KSR2: variants seen among roughly 807,000 people sequenced by gnomAD.
The protein encoded by KSR2 is kinase suppressor of ras 2.
A neutral mutation model predicts 107.8 loss-of-function variants in KSR2; 25 were observed. That is an observed-to-expected ratio of 0.23 (90% CI 0.17 to 0.32). The LOEUF (loss-of-function observed/expected upper bound fraction) is 0.32. KSR2 is among the 10% of genes least tolerant of loss of function. The pLI, the probability that KSR2 is intolerant of heterozygous loss-of-function variation, is 1.00. For missense variants in KSR2, 887 were observed against 1,268.9 expected (o/e 0.70, Z 4.57); for synonymous variants, 480 against 507.0 (o/e 0.95, Z 0.71).
intron 4 of KSR2, among the ~76,000 whole-genome samples, chr12:117,688,858 T>G (rs146377620): frequency 2.6e-5 from 4 of 152,342 alleles, no homozygotes; most frequent in East Asian, 3.9e-4. Context: ...AGTGTTTATG[T>G]CAAACTCTAG....
intron 14 of KSR2, among the ~76,000 whole-genome samples, chr12:117,507,619 G>A (rs2137190356): frequency 6.6e-6 from 1 of 152,308 alleles, no homozygotes; most frequent in South Asian, 2.1e-4. Context: ...GTCACCAGCA[G>A]CCCCATCTGC....
intron 3 of KSR2, among the ~76,000 whole-genome samples, chr12:117,802,536 C>T (rs982525122): frequency 6.6e-6 from 1 of 152,198 alleles, no homozygotes; most frequent in Admixed American, 6.5e-5. Context: ...TTCCCTCCTC[C>T]TCTCTGAGCC....
At chr12:117,701,097 T>G (rs1015508522) in intron 4 of KSR2, among the ~76,000 whole-genome samples, 1 of 152,164 alleles carries the variant, frequency 6.6e-6, no homozygotes, top group African/African-American at 2.4e-5. Flanking sequence ...GTTTATTTAT[T>G]TATTTATTGA....
chr12:117,559,783 C>T (rs2137355720), intron 7 of KSR2, among the ~76,000 whole-genome samples: 1 of 152,258 alleles, frequency 6.6e-6, no homozygotes, highest in African/African-American at 2.4e-5. Flanking sequence ...TGCAGCCTGG[C>T]TTTGTCCTTT....
At chr12:117,485,988 G>A (rs905258312) in intron 14 of KSR2, among the ~76,000 whole-genome samples, 1 of 152,202 alleles carries the variant, frequency 6.6e-6, no homozygotes, top group African/African-American at 2.4e-5. Context: ...GAGGCTCACA[G>A]GTGGAAAGCA....
chr12:117,683,221 CAT>C (rs1258287210), intron 4 of KSR2, among the ~76,000 whole-genome samples: 2 of 151,754 alleles, frequency 1.3e-5, no homozygotes, highest in African/African-American at 4.8e-5. Flanking sequence ...TAGTATATGA[CAT>C]ATACTATTTT....
At chr12:117,810,172 TG>T (rs1891147784) in intron 3 of KSR2, among the ~76,000 whole-genome samples, 1 of 152,350 alleles carries the variant, frequency 6.6e-6, no homozygotes, top group African/African-American at 2.4e-5. Flanking sequence ...TTGTTTGTTT[TG>T]TTTTTTTGTT....
intron 4 of KSR2, among the ~76,000 whole-genome samples, chr12:117,725,671 C>T (rs1437955725): frequency 6.6e-6 from 1 of 152,112 alleles, no homozygotes; most frequent in Non-Finnish European, 1.5e-5. Context: ...ATTATTAGGC[C>T]GGGAGTAGTG....
intron 4 of KSR2, among the ~76,000 whole-genome samples, chr12:117,733,410 A>C (rs1887808101): frequency 6.6e-6 from 1 of 152,098 alleles, no homozygotes; most frequent in Non-Finnish European, 1.5e-5. Context: ...CTCACTCTTT[A>C]GGTCTTATCT....
chr12:117,847,469 C>A (rs2137189214), intron 3 of KSR2, among the ~76,000 whole-genome samples: 1 of 152,294 alleles, frequency 6.6e-6, no homozygotes, highest in South Asian at 2.1e-4. Flanking sequence ...TGCAGGGGTG[C>A]AAGGGCACCT....
intron 1 of KSR2, among the ~76,000 whole-genome samples, chr12:117,960,664 A>C (rs189952996): frequency 6.6e-6 from 1 of 152,216 alleles, no homozygotes; most frequent in Non-Finnish European, 1.5e-5. Context: ...AACTGCAGGC[A>C]TCTGAGCAAA....
chr12:117,814,447 A>G (rs76148951), intron 3 of KSR2, among the ~76,000 whole-genome samples: 6,897 of 152,220 alleles, frequency 0.045, 214 homozygotes, highest in East Asian at 0.092. Flanking sequence ...GATGTGGTCA[A>G]TCATCTTGCC....
rs145156615 is a variant in KSR2, at chr12:117,959,591, A to G, written c.180+8485T>C. Among the ~76,000 whole-genome samples the G allele has an allele frequency of 9.9e-3, 1,507 of 152,224 alleles. 20 individuals carry two copies. The highest frequency in any genetic ancestry group is 0.075 in the Middle Eastern group (22 of 294). ...TTTACCCTGCAGCAATCAGAAGATCATTTAAAAATATAACCCCTGGTTCAA... is the reference window on the plus strand; with the variant it reads ...TTTACCCTGCAGCAATCAGAAGATCGTTTAAAAATATAACCCCTGGTTCAA... On this transcript the variant is annotated intron_variant, in intron 1 of 19. Transcript: ENST00000339824.
At chr12:117,845,006 C>T (rs979750787) in intron 3 of KSR2, among the ~76,000 whole-genome samples, 1 of 152,038 alleles carries the variant, frequency 6.6e-6, no homozygotes, top group Non-Finnish European at 1.5e-5. Flanking sequence ...ATTAGCCAGG[C>T]GTGGTGGCGG....
At chr12:117,598,159 A>G (rs530064154) in intron 5 of KSR2, among the ~76,000 whole-genome samples, 32 of 152,116 alleles carry the variant, frequency 2.1e-4, no homozygotes, top group Admixed American at 1.3e-4. Context: ...TGGGTCCCCA[A>G]CGTCCATTAT....
intron 5 of KSR2, among the ~76,000 whole-genome samples, chr12:117,627,355 T>C (rs1017417708): frequency 6.6e-6 from 1 of 152,234 alleles, no homozygotes; most frequent in Non-Finnish European, 1.5e-5. Flanking sequence ...CTTCTTTCCA[T>C]GTTTAGTGCT....
chr12:117,932,236 G>A (rs968915047), intron 1 of KSR2, among the ~76,000 whole-genome samples: 1 of 152,132 alleles, frequency 6.6e-6, no homozygotes, highest in Non-Finnish European at 1.5e-5. Context: ...GCATTGAGCT[G>A]AGATAGTGCC....
intron 16 of KSR2, among the ~76,000 whole-genome samples, chr12:117,482,328 C>T (rs145615165): frequency 2.6e-5 from 4 of 152,238 alleles, no homozygotes; most frequent in East Asian, 3.9e-4. Context: ...CAGGACAAAC[C>T]GAGCACAAGA....
chr12:117,510,221 A>G (rs1321885791), intron 14 of KSR2, among the ~76,000 whole-genome samples: 3 of 152,254 alleles, frequency 2.0e-5, no homozygotes, highest in African/African-American at 7.2e-5. Context: ...GGAAAAAGTC[A>G]AAGTGCTTAG....
Sources: gnomAD v4.1 joint callset for allele counts (sites outside exome capture counted in the v4.1 genomes callset) on GRCh38, gnomAD v4.1.1 for gene constraint, MANE v1.5 for transcripts, NCBI Gene and HGNC (gene_info 2026-07-23, HGNC 2026-07-21) for gene names.